The following LIMCH1 variants were observed in gnomAD, a reference collection of about 807,000 sequenced individuals.
The protein encoded by LIMCH1 is LIM and calponin homology domains 1.
Under a neutral mutation model 176.5 loss-of-function variants are expected in LIMCH1, and 113 were observed. That is an observed-to-expected ratio of 0.64 (90% CI 0.55 to 0.75). LIMCH1 has a LOEUF of 0.75. Ranked by LOEUF, LIMCH1 falls within the 30% of genes least tolerant of loss-of-function variation. LIMCH1 has a pLI of 0.00. For missense variants in LIMCH1, 1,674 were observed against 1,814.9 expected (o/e 0.92, Z 1.41); for synonymous variants, 619 against 645.9 (o/e 0.96, Z 0.63).
At chr4:41,696,077 T>C (rs1425102368) in intron 31 of LIMCH1, among the ~76,000 whole-genome samples, 1 of 152,190 alleles carries the variant, frequency 6.6e-6, no homozygotes, top group Non-Finnish European at 1.5e-5. Flanking sequence ...GAATATATAA[T>C]CCTATTTTCT....
chr4:41,441,985 T>C (rs1353804541), intron 1 of LIMCH1, among the ~76,000 whole-genome samples: 2 of 151,888 alleles, frequency 1.3e-5, no homozygotes, highest in Admixed American at 6.6e-5. Flanking sequence ...AGTGGGAACA[T>C]GGAGACCACA....
At chr4:41,461,976 C>G (rs2065426871) in intron 1 of LIMCH1, among the ~76,000 whole-genome samples, 2 of 152,198 alleles carry the variant, frequency 1.3e-5, no homozygotes, top group South Asian at 4.1e-4. Context: ...TGTTTTTGGA[C>G]AGCTTGCAGA....
intron 1 of LIMCH1, among the ~76,000 whole-genome samples, chr4:41,592,859 A>G (rs545420547): frequency 1.2e-4 from 18 of 152,212 alleles, no homozygotes; most frequent in Admixed American, 4.6e-4. Context: ...TCTTACTTCT[A>G]TTTTCTAATT....
At chr4:41,488,741 T>C (rs2070184811) in intron 1 of LIMCH1, among the ~76,000 whole-genome samples, 1 of 152,202 alleles carries the variant, frequency 6.6e-6, no homozygotes, top group Non-Finnish European at 1.5e-5. Flanking sequence ...AAAAGTCATA[T>C]ATGATTCCAT....
chr4:41,532,933 T>A (rs977745358), intron 3 of LIMCH1, among the ~76,000 whole-genome samples: 1 of 152,154 alleles, frequency 6.6e-6, no homozygotes, highest in Non-Finnish European at 1.5e-5. Context: ...GGGTCTCTGG[T>A]TCAGGGTCCC....
intron 18 of LIMCH1, among the ~76,000 whole-genome samples, chr4:41,655,026 C>G (rs1295313300): frequency 6.6e-6 from 1 of 152,098 alleles, no homozygotes; most frequent in Non-Finnish European, 1.5e-5. Flanking sequence ...AGAAGGTCTT[C>G]TAATCTGAGG....
At chr4:41,535,162 C>CAAAAAAAAAA (rs61639965), upstream of LIMCH1, among the ~76,000 whole-genome samples, 144 of 83,724 alleles carry the variant, frequency 1.7e-3, no homozygotes, top group Middle Eastern at 7.6e-3. Context: ...GACCCTGTCA[C>CAAAAAAAAAA]AAAAAAAAAA....
intron 1 of LIMCH1, among the ~76,000 whole-genome samples, chr4:41,373,619 C>T (rs1429543956): frequency 6.6e-6 from 1 of 152,230 alleles, no homozygotes; most frequent in Non-Finnish European, 1.5e-5. Context: ...TAGCTACAAA[C>T]TCTTATTACT....
At chr4:41,384,728 G>C (rs536924577) in intron 1 of LIMCH1, among the ~76,000 whole-genome samples, 1 of 152,306 alleles carries the variant, frequency 6.6e-6, no homozygotes, top group Non-Finnish European at 1.5e-5. Flanking sequence ...AAGATGCTAA[G>C]TGCGGTTGTA....
chr4:41,575,719 G>A (rs1020798183), intron 1 of LIMCH1, among the ~76,000 whole-genome samples: 1 of 152,048 alleles, frequency 6.6e-6, no homozygotes, highest in African/African-American at 2.4e-5. Context: ...TTTTTTCCTG[G>A]AGCTTAAATA....
At chr4:41,379,803 AT>A (rs2055362017) in intron 1 of LIMCH1, among the ~76,000 whole-genome samples, 2 of 151,782 alleles carry the variant, frequency 1.3e-5, no homozygotes, top group South Asian at 4.2e-4. Context: ...ATTTATTTTT[AT>A]TTTTATTTTT....
chr4:41,369,916 G>A (rs2053688449), intron 1 of LIMCH1, among the ~76,000 whole-genome samples: 2 of 144,098 alleles, frequency 1.4e-5, no homozygotes, highest in South Asian at 4.5e-4. Flanking sequence ...AATAGACTCT[G>A]TTGCTGCCCT....
intron 1 of LIMCH1, among the ~76,000 whole-genome samples, chr4:41,426,270 C>T (rs2061093564): frequency 6.6e-6 from 1 of 152,042 alleles, no homozygotes; most frequent in Middle Eastern, 3.2e-3. Context: ...ATCCGCCCGC[C>T]TCGGCCTCCC....
At chr4:41,494,327 A>G (rs2071643380) in intron 1 of LIMCH1, among the ~76,000 whole-genome samples, 1 of 149,492 alleles carries the variant, frequency 6.7e-6, no homozygotes, top group African/African-American at 2.4e-5. Flanking sequence ...ACACATACAT[A>G]TATATACACA....
chr4:41,555,302 T>A (rs531127787), intron 1 of LIMCH1, among the ~76,000 whole-genome samples: 1 of 152,296 alleles, frequency 6.6e-6, no homozygotes, highest in African/African-American at 2.4e-5. Flanking sequence ...TGTGAAGGAT[T>A]TTAGGCAAAA....
At chr4:41,534,068 G>T (rs1015510719), upstream of LIMCH1, among the ~76,000 whole-genome samples, 10 of 152,134 alleles carry the variant, frequency 6.6e-5, no homozygotes, top group Non-Finnish European at 1.3e-4. Context: ...AGGGAATCTC[G>T]TGTTCCAGAT....
At chr4:41,610,753 A>T (rs1584832626) in intron 4 of LIMCH1, among the ~76,000 whole-genome samples, 1 of 152,092 alleles carries the variant, frequency 6.6e-6, no homozygotes, top group South Asian at 2.1e-4. Context: ...CAATAGTTAA[A>T]CCCAGCCAGT....
chr4:41,486,659 G>A (rs190503466), intron 1 of LIMCH1, among the ~76,000 whole-genome samples: 93 of 152,264 alleles, frequency 6.1e-4, no homozygotes, highest in African/African-American at 2.2e-3. Flanking sequence ...CGAGGTGAGG[G>A]CTTTGTGAAA....
chr4:41,493,180 A>G (rs149946811), intron 1 of LIMCH1, among the ~76,000 whole-genome samples: 199 of 152,216 alleles, frequency 1.3e-3, no homozygotes, highest in Non-Finnish European at 2.2e-3. Context: ...TAAACCATTT[A>G]TATTTAAGGT....
Sources: allele counts gnomAD v4.1 joint callset (sites outside exome capture counted in the v4.1 genomes callset), GRCh38; gene constraint gnomAD v4.1.1; transcripts MANE v1.5; gene names NCBI Gene and HGNC (gene_info 2026-07-23, HGNC 2026-07-21).